The following DCDC2 variants were observed in gnomAD, a reference collection of about 807,000 sequenced individuals.
DCDC2 encodes doublecortin domain containing 2.
In DCDC2, 40 loss-of-function variants were observed where a neutral mutation model predicts 50.2. The observed-to-expected ratio is 0.80, with a 90% CI of 0.62 to 1.04. DCDC2 has a LOEUF of 1.04. Ranked by LOEUF, DCDC2 falls within the 50% of genes least tolerant of loss-of-function variation. The pLI, the probability that DCDC2 is intolerant of heterozygous loss-of-function variation, is 0.00. For synonymous variants in DCDC2, 234 were observed against 210.6 expected (o/e 1.11, Z -0.96); for missense variants, 570 against 581.9 (o/e 0.98, Z 0.21).
chr6:24,188,891 G>A (rs1761258307), intron 8 of DCDC2, among the ~76,000 whole-genome samples: 1 of 151,872 alleles, frequency 6.6e-6, no homozygotes, highest in Non-Finnish European at 1.5e-5. Context: ...CAGCCTCTCT[G>A]GCACGCATCC....
chr6:24,179,401 A>T (rs913833057), intron 8 of DCDC2, among the ~76,000 whole-genome samples: 1 of 148,576 alleles, frequency 6.7e-6, no homozygotes, highest in Non-Finnish European at 1.5e-5. Context: ...CAAAAAAATT[A>T]GCTGGGCATG....
intron 2 of DCDC2, among the ~76,000 whole-genome samples, chr6:24,321,719 T>G (rs1416552158): frequency 6.6e-6 from 1 of 152,190 alleles, no homozygotes; most frequent in African/African-American, 2.4e-5. Context: ...GCGATATCAC[T>G]GGTATTTCCC....
intron 7 of DCDC2, among the ~76,000 whole-genome samples, chr6:24,273,183 T>A (rs536470067): frequency 4.0e-4 from 61 of 152,114 alleles, no homozygotes; most frequent in Non-Finnish European, 2.4e-4. Flanking sequence ...CTCAGAAATG[T>A]AAAGTCAAAT....
chr6:24,338,891 A>G (rs796797242), intron 2 of DCDC2, among the ~76,000 whole-genome samples: 2 of 152,110 alleles, frequency 1.3e-5, no homozygotes, highest in African/African-American at 4.8e-5. Context: ...TGATCCGCCC[A>G]CCTCAGCCTC....
Position 24,351,487 on chromosome 6 carries a change from C to T in DCDC2, c.348+2082G>A, listed in dbSNP as rs114764807. Among the ~76,000 whole-genome samples, 1,092 of 152,292 alleles carry T rather than the reference C, an allele frequency of 7.2e-3. 14 individuals carry two copies. Among genetic ancestry groups the T allele is most frequent in the African/African-American group, 0.024 (1,007 of 41,564 alleles). ...TCTCCTTTGCATTTCACAATTTCTT[C>T]TACTTCTCTCTTTCCATCTCCTTTA... is the stretch of plus-strand genomic sequence containing the variant. On this transcript the variant is annotated intron_variant, in intron 2 of 9. Transcript: ENST00000378454.
intron 6 of DCDC2, among the ~76,000 whole-genome samples, chr6:24,283,496 CA>C (rs1213908829): frequency 6.6e-6 from 1 of 151,748 alleles, no homozygotes; most frequent in Non-Finnish European, 1.5e-5. Context: ...TGCAAAAGAG[CA>C]ATTCCTAGAA....
At chr6:24,365,972 C>T in the DCDC2 span, among the ~76,000 whole-genome samples, 3 of 151,920 alleles carry the variant, frequency 2.0e-5, no homozygotes, top group African/African-American at 7.3e-5. Flanking sequence ...TGCACGCCAC[C>T]AAGCCTGGCT....
chr6:24,231,134 C>G (rs559921775), intron 7 of DCDC2, among the ~76,000 whole-genome samples: 2 of 152,378 alleles, frequency 1.3e-5, no homozygotes, highest in African/African-American at 4.8e-5. Flanking sequence ...AGAGATGTTG[C>G]TGGGTGCCAG....
intron 9 of DCDC2, among the ~76,000 whole-genome samples, chr6:24,176,146 A>AT (rs2113736419): frequency 6.6e-6 from 1 of 152,010 alleles, no homozygotes; most frequent in Non-Finnish European, 1.5e-5. Context: ...AAAAATATGT[A>AT]TATATGGCCT....
At chr6:24,208,668 C>T (rs1164310573) in intron 7 of DCDC2, among the ~76,000 whole-genome samples, 1 of 152,170 alleles carries the variant, frequency 6.6e-6, no homozygotes, top group African/African-American at 2.4e-5. Flanking sequence ...CTGTGCTCAG[C>T]CCCTCTGCAC....
rs903040160 is a variant in DCDC2 at position 24,340,264 on chromosome 6, C to A, written c.348+13305G>T. Among the ~76,000 whole-genome samples the A allele has an allele frequency of 1.9e-4, 29 of 152,080 alleles. 1 individual carries two copies. Among genetic ancestry groups the A allele is most frequent in the Non-Finnish European group, 7.4e-5 (5 of 68,018 alleles). The stretch of plus-strand genomic sequence containing the variant: ...TCCTTCCAGGAAGCTTCTGAGGATT[C>A]CCCTGGCTTATGGTAGCCTAATAGG... On this transcript the variant is annotated intron_variant, in intron 2 of 9. Coordinates refer to ENST00000378454, the MANE Select transcript of DCDC2 (RefSeq NM_016356.5).
chr6:24,224,818 C>G (rs891875627), intron 7 of DCDC2, among the ~76,000 whole-genome samples: 3 of 152,166 alleles, frequency 2.0e-5, no homozygotes, highest in Non-Finnish European at 4.4e-5. Context: ...ACCACCCAGA[C>G]TATACAGACT....
At chr6:24,243,837 T>C (rs1762615775) in intron 7 of DCDC2, among the ~76,000 whole-genome samples, 2 of 151,828 alleles carry the variant, frequency 1.3e-5, no homozygotes, top group Admixed American at 1.3e-4. Context: ...GGAATGGGGG[T>C]TGAGTGAACA....
intron 7 of DCDC2, among the ~76,000 whole-genome samples, chr6:24,256,689 T>C (rs966200530): frequency 6.6e-6 from 1 of 152,232 alleles, no homozygotes; most frequent in African/African-American, 2.4e-5. Context: ...TTTAAAGTTA[T>C]GCCCCATCAT....
chr6:24,300,919 C>T (rs796956728), intron 4 of DCDC2, among the ~76,000 whole-genome samples: 1 of 152,122 alleles, frequency 6.6e-6, no homozygotes, highest in Admixed American at 6.6e-5. Flanking sequence ...ATGCTTTTGA[C>T]TTCTTACATT....
intron 2 of DCDC2, among the ~76,000 whole-genome samples, chr6:24,315,004 G>T (rs559371873): frequency 8.7e-4 from 133 of 152,152 alleles, no homozygotes; most frequent in Admixed American, 1.2e-3. Context: ...AAGAATCTGA[G>T]CATGTTTCCC....
intron 7 of DCDC2, among the ~76,000 whole-genome samples, chr6:24,213,862 G>C (rs538006227): frequency 6.6e-6 from 1 of 152,006 alleles, no homozygotes; most frequent in South Asian, 2.1e-4. Context: ...CACCTTTCTG[G>C]ATTAAATATA....
chr6:24,341,947 T>TACACACACAC (rs10540083), intron 2 of DCDC2, among the ~76,000 whole-genome samples: 118 of 151,728 alleles, frequency 7.8e-4, no homozygotes, highest in African/African-American at 2.2e-3. Context: ...TGTGCACGCG[T>TACACACACAC]ACACACACAC....
chr6:24,191,937 C>G (rs1761321889), intron 8 of DCDC2, among the ~76,000 whole-genome samples: 1 of 152,128 alleles, frequency 6.6e-6, no homozygotes, highest in South Asian at 2.1e-4. Context: ...AGCCAAGAAG[C>G]AAGCCTTTGC....
Sources: gnomAD v4.1 joint callset for allele counts (sites outside exome capture counted in the v4.1 genomes callset) on GRCh38, gnomAD v4.1.1 for gene constraint, MANE v1.5 for transcripts, NCBI Gene and HGNC (gene_info 2026-07-23, HGNC 2026-07-21) for gene names.